SHANK2: variants seen among roughly 807,000 people sequenced by gnomAD.
SHANK2 encodes the protein SH3 and multiple ankyrin repeat domains protein 2.
In SHANK2, 43 loss-of-function variants were observed where a neutral mutation model predicts 133.7. The ratio of observed to expected loss-of-function variants is 0.32; its 90% CI spans 0.25 to 0.41. The LOEUF (loss-of-function observed/expected upper bound fraction) is 0.41. Among genes scored for constraint, SHANK2 ranks in the 10% least tolerant of loss-of-function variants. The probability of loss-of-function intolerance (pLI) is 1.00; values close to 1 mark genes in which losing one functional copy is unlikely to be tolerated. For synonymous variants in SHANK2, 1,017 were observed against 952.8 expected, an observed-to-expected ratio of 1.07 and a Z score of -1.24; for missense variants, 1,994 against 2,235.8, an observed-to-expected ratio of 0.89 and a Z score of 2.18.
chr11:70,911,758 C>A (rs1032129054), intron 10 of SHANK2, among the ~76,000 whole-genome samples: 9 of 151,974 alleles, frequency 5.9e-5, no homozygotes, highest in Non-Finnish European at 1.3e-4. Flanking sequence ...CATCTCCTAC[C>A]CCAAAATGAC....
In SHANK2 at chr11:71,169,133, G is replaced by A. The variant is rs989611070; in HGVS notation, c.-12-21795C>T. Among the ~76,000 whole-genome samples the A allele has an allele frequency of 4.6e-5, 7 of 152,270 alleles. No individual in the cohort carries two copies. The South Asian group carries it at 8.3e-4, about 18-fold the overall frequency. ...AAAGCTTTATGGGGTGAACACAGAC[G>A]CAAGGCAAAGGAGACACTTGGTTGG... On this transcript the variant is annotated intron_variant, in intron 2 of 25. Transcript: ENST00000601538.
At chr11:70,845,652 A>G (rs1014621710) in intron 11 of SHANK2, among the ~76,000 whole-genome samples, 1 of 152,212 alleles carries the variant, frequency 6.6e-6, no homozygotes, top group South Asian at 2.1e-4. Context: ...TGAGATGCCA[A>G]TAAAACCCAG....
intron 17 of SHANK2, among the ~76,000 whole-genome samples, chr11:70,616,146 G>C (rs1429266607): frequency 9.9e-5 from 15 of 152,176 alleles, no homozygotes; most frequent in Admixed American, 9.8e-4. Flanking sequence ...ACATGAGATT[G>C]CCATTCTTGT....
At chr11:70,920,330 C>T (rs1555080511) in intron 10 of SHANK2, among the ~76,000 whole-genome samples, 1 of 152,100 alleles carries the variant, frequency 6.6e-6, no homozygotes, top group East Asian at 1.9e-4. Flanking sequence ...TAAGCTCAAG[C>T]CAGCCTCCCG....
rs1048491211 is a variant in SHANK2, at chr11:70,856,343, T to C, written c.1175-35661A>G. 5.3e-5 allele frequency among the ~76,000 whole-genome samples: 8 copies of C among 151,868 alleles called. No homozygotes were observed. The East Asian group carries it at 7.8e-4, about 15-fold the overall frequency. On this transcript the variant is annotated intron_variant, in intron 11 of 25. Coordinates refer to ENST00000601538, the MANE Select transcript of SHANK2 (RefSeq NM_012309.5). ...GCAGATGGGTGGTTAGGTGGGCGCA[T>C]AGATGAATGGATGGACAGATAGATG...
chr11:70,814,269 A>G (rs1207731135), intron 12 of SHANK2, among the ~76,000 whole-genome samples: 1 of 151,752 alleles, frequency 6.6e-6, no homozygotes, highest in Admixed American at 6.6e-5. Flanking sequence ...GGTTTCAGTG[A>G]GTCAAGATCG....
chr11:70,759,052 A>C (rs1946932460), intron 14 of SHANK2, among the ~76,000 whole-genome samples: 1 of 151,860 alleles, frequency 6.6e-6, no homozygotes, highest in South Asian at 2.1e-4. Flanking sequence ...CCAGCTACTC[A>C]GGAGGCCAAG....
intron 18 of SHANK2, 66 bp downstream of exon 18, chr11:70,502,730 T>TTCCCCCCCC: frequency 2.6e-6 from 2 of 772,454 alleles, no homozygotes; most frequent in South Asian, 1.5e-5. Flanking sequence ...CCAGCTGTCC[T>TTCCCCCCCC]GCCCGCCCCC....
intron 11 of SHANK2, among the ~76,000 whole-genome samples, chr11:70,822,055 C>A (rs1452628698): frequency 6.6e-6 from 1 of 152,234 alleles, no homozygotes; most frequent in African/African-American, 2.4e-5. Context: ...CCTAAGACAG[C>A]GAGTGCCCTT....
At chr11:71,111,496 C>A (rs1324934289) in intron 5 of SHANK2, among the ~76,000 whole-genome samples, 1 of 152,224 alleles carries the variant, frequency 6.6e-6, no homozygotes, top group African/African-American at 2.4e-5. Context: ...CCATCCAGAG[C>A]CAGTCTGGGC....
rs1948199487 is a variant in SHANK2 at position 71,252,363 on chromosome 11, T to C, written c.-113+62A>G. Reference sequence around the variant, plus strand: ...AATGCCGTCAGTGAGCAGGATCGGGTGCCCAAGGGCCACCTCCCGTCCTCC... The same window carrying C: ...AATGCCGTCAGTGAGCAGGATCGGGCGCCCAAGGGCCACCTCCCGTCCTCC... On this transcript the variant is annotated intron_variant, in intron 1 of 25. Transcript: ENST00000601538. This position sits in a 1 kb window ranked among gnomAD's most constrained non-coding sequence, Gnocchi z 6.3. The C allele has an allele frequency of 6.6e-6, 1 of 152,054 alleles. No homozygotes were observed. Among genetic ancestry groups the C allele is most frequent in the African/African-American group, 2.4e-5 (1 of 41,386 alleles). The allele number at this position is 152,054 out of a possible 1,614,324, so 9.4% of individuals were successfully genotyped here. A position where few individuals can be genotyped will look rare whatever the true frequency, so the allele number is the denominator to read the frequency against.
At chr11:70,690,616 A>T (rs1945265913) in intron 15 of SHANK2, among the ~76,000 whole-genome samples, 1 of 140,032 alleles carries the variant, frequency 7.1e-6, no homozygotes. Context: ...CACTGTGCTC[A>T]CCCTCCACTG....
At chr11:70,489,280 A>T in intron 24 of SHANK2, 48 bp downstream of exon 24, 1 of 1,577,610 alleles carries the variant, frequency 6.3e-7, no homozygotes, top group Non-Finnish European at 8.7e-7. Context: ...TATAAAGTAA[A>T]CTGGGTTACA....
At chr11:71,182,401 A>G (rs1953577136) in intron 2 of SHANK2, among the ~76,000 whole-genome samples, 1 of 152,182 alleles carries the variant, frequency 6.6e-6, no homozygotes, top group Non-Finnish European at 1.5e-5. Flanking sequence ...AACGGCAGAA[A>G]TGTATTATCT....
At chr11:70,892,881 G>T (rs2135639871) in intron 11 of SHANK2, among the ~76,000 whole-genome samples, 1 of 152,168 alleles carries the variant, frequency 6.6e-6, no homozygotes, top group Admixed American at 6.5e-5. Context: ...GGACCCCAGG[G>T]GCCTGAGCCT....
At chr11:70,816,186 C>A (rs922861893) in intron 12 of SHANK2, among the ~76,000 whole-genome samples, 1 of 152,224 alleles carries the variant, frequency 6.6e-6, no homozygotes, top group East Asian at 1.9e-4. Flanking sequence ...AGGCCAGGTG[C>A]TGAAAGCCAC....
chr11:70,768,815 G>A (rs1322590607), intron 14 of SHANK2, among the ~76,000 whole-genome samples: 1 of 152,122 alleles, frequency 6.6e-6, no homozygotes, highest in Non-Finnish European at 1.5e-5. Context: ...GGCTGCTGAG[G>A]CCTTGGCTCT....
intron 15 of SHANK2, among the ~76,000 whole-genome samples, chr11:70,673,309 CAG>C (rs1304333871): frequency 2.0e-5 from 3 of 151,568 alleles, no homozygotes; most frequent in Non-Finnish European, 2.9e-5. Context: ...AAAAAAAAAT[CAG>C]GGGAACAGTA....
intron 3 of SHANK2, among the ~76,000 whole-genome samples, chr11:71,122,518 G>A (rs1952099285): frequency 6.6e-6 from 1 of 152,046 alleles, no homozygotes; most frequent in Non-Finnish European, 1.5e-5. Context: ...GTTGGGGGAG[G>A]GAAAGCATTA....
Sources: gnomAD v4.1 joint callset for allele counts (sites outside exome capture counted in the v4.1 genomes callset) on GRCh38, gnomAD v4.1.1 for gene constraint, Gnocchi (gnomAD v3.1) non-coding constraint, MANE v1.5 for transcripts, NCBI Gene and HGNC (gene_info 2026-07-23, HGNC 2026-07-21) for gene names.